DPP10: variants seen among roughly 807,000 people sequenced by gnomAD.
DPP10 encodes the protein inactive dipeptidyl peptidase 10.
Under a neutral mutation model 120.9 loss-of-function variants are expected in DPP10, and 33 were observed. The observed-to-expected ratio is 0.27, with a 90% CI of 0.21 to 0.37. DPP10 has a LOEUF of 0.37. Ranked by LOEUF, DPP10 falls within the 10% of genes least tolerant of loss-of-function variation. DPP10 has a pLI of 1.00. For synonymous variants in DPP10, 337 were observed against 326.1 expected, an observed-to-expected ratio of 1.03 and a Z score of -0.36; for missense variants, 816 against 942.8, an observed-to-expected ratio of 0.87 and a Z score of 1.76.
At chr2:114,810,435 G>A (rs1232505401) in intron 1 of DPP10, among the ~76,000 whole-genome samples, 1 of 152,194 alleles carries the variant, frequency 6.6e-6, no homozygotes, top group Admixed American at 6.5e-5. Flanking sequence ...CAGAAATTGT[G>A]AGAATGATGC....
At chr2:115,005,618 T>C (rs912204670) in intron 1 of DPP10, among the ~76,000 whole-genome samples, 4 of 151,838 alleles carry the variant, frequency 2.6e-5, no homozygotes, top group African/African-American at 7.3e-5. Flanking sequence ...AGGGTATCAG[T>C]AATGGAAGAT....
chr2:114,702,030 C>T (rs555217836), intron 1 of DPP10, among the ~76,000 whole-genome samples: 5 of 152,112 alleles, frequency 3.3e-5, no homozygotes, highest in Non-Finnish European at 7.4e-5. Context: ...TACTCACTGT[C>T]TTTGAAGAAG....
At chr2:115,815,321 A>G (rs781332971) in intron 20 of DPP10, among the ~76,000 whole-genome samples, 1 of 152,194 alleles carries the variant, frequency 6.6e-6, no homozygotes, top group Non-Finnish European at 1.5e-5. Flanking sequence ...AGTTTCACAG[A>G]TACCATTATC....
At chr2:115,816,564 A>C (rs1687248551) in intron 21 of DPP10, among the ~76,000 whole-genome samples, 1 of 152,092 alleles carries the variant, frequency 6.6e-6, no homozygotes, top group Admixed American at 6.5e-5. Flanking sequence ...ACAGTGGGAA[A>C]ATAGACCTCA....
chr2:114,508,056 ATC>A (rs1297929493), intron 1 of DPP10, among the ~76,000 whole-genome samples: 1 of 143,790 alleles, frequency 7.0e-6, no homozygotes, highest in Non-Finnish European at 1.5e-5. Flanking sequence ...TCTTTTTTCC[ATC>A]TCTCTCTCCT....
chr2:115,502,873 GTTTTTTT>G (rs5833603), intron 4 of DPP10, among the ~76,000 whole-genome samples: 2 of 146,302 alleles, frequency 1.4e-5, no homozygotes, highest in Non-Finnish European at 3.0e-5. Context: ...TTTTAAAACA[GTTTTTTT>G]TTTTTTAGAA....
At chr2:114,941,560 G>A (rs1417988315) in intron 1 of DPP10, among the ~76,000 whole-genome samples, 1 of 152,154 alleles carries the variant, frequency 6.6e-6, no homozygotes, top group Non-Finnish European at 1.5e-5. Context: ...AAAATATCTG[G>A]AGGATTTAAT....
intron 1 of DPP10, among the ~76,000 whole-genome samples, chr2:115,288,105 A>G (rs1013450566): frequency 2.0e-5 from 3 of 152,140 alleles, no homozygotes; most frequent in African/African-American, 4.8e-5. Flanking sequence ...ACTGTTTTCT[A>G]TAGATGTTTC....
chr2:114,976,346 T>A (rs889156140), intron 1 of DPP10, among the ~76,000 whole-genome samples: 8 of 152,212 alleles, frequency 5.3e-5, no homozygotes, highest in Non-Finnish European at 1.2e-4. Flanking sequence ...TTAAATAGAT[T>A]CAATGCATAC....
intron 1 of DPP10, among the ~76,000 whole-genome samples, chr2:114,585,083 G>A (rs189313739): frequency 3.2e-3 from 482 of 152,266 alleles, no homozygotes; most frequent in Non-Finnish European, 4.2e-3. Flanking sequence ...TCATAGTGCC[G>A]CAGGTTAGAA....
intron 5 of DPP10, among the ~76,000 whole-genome samples, chr2:115,609,657 A>T: frequency 6.6e-6 from 1 of 152,170 alleles, no homozygotes; most frequent in East Asian, 1.9e-4. Context: ...TTTCCATTCT[A>T]CTAGTAGAGT....
chr2:115,423,467 TAGTC>T (rs938811913), intron 3 of DPP10, among the ~76,000 whole-genome samples: 4 of 151,934 alleles, frequency 2.6e-5, no homozygotes, highest in East Asian at 1.9e-4. Flanking sequence ...GAATAAAACA[TAGTC>T]AGATCTTTTA....
At chr2:115,153,655 A>G (rs760272205) in intron 1 of DPP10, among the ~76,000 whole-genome samples, 5 of 152,120 alleles carry the variant, frequency 3.3e-5, no homozygotes, top group Non-Finnish European at 5.9e-5. Context: ...TATCTTCCCA[A>G]AATAACCCTT....
chr2:115,138,019 C>T (rs547995508), intron 1 of DPP10, among the ~76,000 whole-genome samples: 22 of 152,146 alleles, frequency 1.4e-4, no homozygotes, highest in East Asian at 3.9e-4. Flanking sequence ...GAAAGAGGCA[C>T]GGGGATGCAT....
intron 3 of DPP10, among the ~76,000 whole-genome samples, chr2:115,378,811 A>G (rs939874224): frequency 6.6e-6 from 1 of 152,128 alleles, no homozygotes; most frequent in African/African-American, 2.4e-5. Context: ...TGAGATAATC[A>G]TGTGGTTTTT....
In DPP10 at chr2:115,735,063, A is replaced by T. The variant is rs76331659; in HGVS notation, c.698-4676A>T. ...TTTGGTTGGGCGAAGCCAAACTCACATAATTTGGATGCATGGGAGATAAGA... is the reference window on the plus strand; with the variant it reads ...TTTGGTTGGGCGAAGCCAAACTCACTTAATTTGGATGCATGGGAGATAAGA... On this transcript the variant is annotated intron_variant, in intron 8 of 25. Transcript: ENST00000410059. 3.4e-3 allele frequency among the ~76,000 whole-genome samples: 519 copies of T among 152,318 alleles called. 26 individuals are homozygous for T. The East Asian group carries it at 0.083, about 24-fold the overall frequency.
chr2:114,622,457 C>T (rs1836757), intron 1 of DPP10, among the ~76,000 whole-genome samples: 1,794 of 150,238 alleles, frequency 0.012, 14 homozygotes, highest in Non-Finnish European at 0.021. Flanking sequence ...TCCATGATTG[C>T]TATATCTTGT....
intron 5 of DPP10, among the ~76,000 whole-genome samples, chr2:115,650,893 G>C (rs1010050208): frequency 6.6e-6 from 1 of 152,012 alleles, no homozygotes; most frequent in African/African-American, 2.4e-5. Context: ...ACGAAGGGAA[G>C]AGAAAGAAAG....
intron 1 of DPP10, among the ~76,000 whole-genome samples, chr2:114,793,314 C>T (rs116734906): frequency 6.6e-6 from 1 of 152,056 alleles, no homozygotes; most frequent in Admixed American, 6.6e-5. Context: ...CACCCCCAGA[C>T]AAGCCCCAGT....
Sources: allele counts gnomAD v4.1 joint callset (sites outside exome capture counted in the v4.1 genomes callset), GRCh38; gene constraint gnomAD v4.1.1; transcripts MANE v1.5; gene names NCBI Gene and HGNC (gene_info 2026-07-23, HGNC 2026-07-21).